Variants in ADCY1 observed in about 807,000 individuals in gnomAD.
The protein encoded by ADCY1 is adenylate cyclase type 1.
Under a neutral mutation model 105.4 loss-of-function variants are expected in ADCY1, and 28 were observed. The observed-to-expected ratio is 0.27, with a 90% CI of 0.20 to 0.36. The LOEUF (loss-of-function observed/expected upper bound fraction) is 0.36. Ranked by LOEUF, ADCY1 falls within the 10% of genes least tolerant of loss-of-function variation. The pLI, the probability that ADCY1 is intolerant of heterozygous loss-of-function variation, is 1.00. For missense variants in ADCY1, 977 were observed against 1,434.2 expected (o/e 0.68, Z 5.15); for synonymous variants, 655 against 623.8 (o/e 1.05, Z -0.75).
rs144480207 is a variant in ADCY1 at position 45,585,714 on chromosome 7, C to T, written c.640-7045C>T. 8.2e-3 allele frequency among the ~76,000 whole-genome samples: 1,243 copies of T among 152,262 alleles called. 67 individuals are homozygous for T. The East Asian group carries it at 0.13, about 16-fold the overall frequency. ...CCACCCACCTCGGCCTCCCAAAGTG[C>T]TGGGATTACAGTGTGAGCCACCACA... On this transcript the variant is annotated intron_variant, in intron 1 of 19. Transcript: ENST00000297323.
rs536361028 is a variant in ADCY1, at chr7:45,719,664, G to A, written c.*5669G>A. 1.3e-5 allele frequency: 2 copies of A among 152,300 alleles called. No homozygotes were observed. The highest frequency in any genetic ancestry group is 4.8e-5 in the African/African-American group (2 of 41,550). The allele number at this position is 152,300 out of a possible 1,614,324, so 9.4% of individuals were successfully genotyped here. On this transcript the variant is annotated 3_prime_UTR_variant, in exon 20 of 20. Coordinates refer to ENST00000297323, the MANE Select transcript of ADCY1 (RefSeq NM_021116.4). ...ACATGTGTGAACACGTGTTTCTGTC[G>A]TGTGTGTCATGCACATCTGTGTGTT...
chr7:45,675,868 T>C (rs1784447221), intron 8 of ADCY1, among the ~76,000 whole-genome samples: 1 of 152,206 alleles, frequency 6.6e-6, no homozygotes, highest in Non-Finnish European at 1.5e-5. Context: ...CTGTTTGAGA[T>C]TTGCTAACTT....
intron 3 of ADCY1, among the ~76,000 whole-genome samples, chr7:45,620,991 T>C (rs1469935859): frequency 6.6e-6 from 1 of 152,202 alleles, no homozygotes; most frequent in Non-Finnish European, 1.5e-5. Context: ...TAGTTACATG[T>C]GTCACCTTTG....
At chr7:45,610,856 T>C (rs115360734) in intron 3 of ADCY1, among the ~76,000 whole-genome samples, 12 of 96,116 alleles carry the variant, frequency 1.2e-4, no homozygotes, top group East Asian at 3.4e-4. Context: ...GATATTGGAG[T>C]TGTGGAGATG....
chr7:45,588,869 A>ATGTGTG (rs55962124), intron 1 of ADCY1, among the ~76,000 whole-genome samples: 725 of 149,150 alleles, frequency 4.9e-3, no homozygotes, highest in East Asian at 0.015. Flanking sequence ...CATTGCGTGT[A>ATGTGTG]TGTGTGTGTG....
intron 1 of ADCY1, among the ~76,000 whole-genome samples, chr7:45,580,861 G>A (rs1357951233): frequency 6.6e-6 from 1 of 152,188 alleles, no homozygotes; most frequent in Non-Finnish European, 1.5e-5. Context: ...GTGTCCGCTT[G>A]CCACTGTCAC....
intron 14 of ADCY1, among the ~76,000 whole-genome samples, chr7:45,689,959 TG>T (rs1784756568): frequency 6.6e-6 from 1 of 152,234 alleles, no homozygotes; most frequent in Non-Finnish European, 1.5e-5. Flanking sequence ...CAGGGGCCAG[TG>T]CTCCCTCCAG....
chr7:45,653,691 C>T (rs868246161), intron 5 of ADCY1, among the ~76,000 whole-genome samples: 4 of 152,204 alleles, frequency 2.6e-5, no homozygotes, highest in African/African-American at 7.2e-5. Context: ...CCCTCTCCCC[C>T]ACTGGGGCTT....
At chr7:45,650,930 T>A (rs550110178) in intron 5 of ADCY1, among the ~76,000 whole-genome samples, 1 of 152,312 alleles carries the variant, frequency 6.6e-6, no homozygotes, top group Non-Finnish European at 1.5e-5. Context: ...GTTCACTTGC[T>A]CCATGAACCT....
At chr7:45,675,118 GT>G (rs377297357) in intron 8 of ADCY1, among the ~76,000 whole-genome samples, 12 of 151,336 alleles carry the variant, frequency 7.9e-5, no homozygotes, top group Admixed American at 7.2e-4. Flanking sequence ...CTTTTTGTCT[GT>G]TTTTTTTCCT....
intron 3 of ADCY1, among the ~76,000 whole-genome samples, chr7:45,616,427 T>A (rs765973872): frequency 6.6e-6 from 1 of 152,202 alleles, no homozygotes; most frequent in South Asian, 2.1e-4. Context: ...AGCAAGATAC[T>A]ATCAAATGCA....
chr7:45,639,249 C>A (rs1794477540), intron 4 of ADCY1, among the ~76,000 whole-genome samples: 2 of 152,166 alleles, frequency 1.3e-5, no homozygotes, highest in South Asian at 4.2e-4. Flanking sequence ...GACCTTTTCC[C>A]CATTTATTGG....
intron 1 of ADCY1, among the ~76,000 whole-genome samples, chr7:45,586,002 C>A (rs931969527): frequency 1.3e-5 from 2 of 152,078 alleles, no homozygotes; most frequent in African/African-American, 4.8e-5. Flanking sequence ...ACGTGGGGAG[C>A]GGACTGTCTT....
chr7:45,582,325 C>T (rs1792575577), intron 1 of ADCY1, among the ~76,000 whole-genome samples: 1 of 152,168 alleles, frequency 6.6e-6, no homozygotes, highest in South Asian at 2.1e-4. Context: ...GTTCCTGCAC[C>T]TCCAGCTCCG....
At position 45,641,418 on chromosome 7, in the gene ADCY1, A is replaced by G. The variant is rs150257840; in HGVS notation, c.1021-7252A>G. 1.3e-3 allele frequency among the ~76,000 whole-genome samples: 204 copies of G among 152,290 alleles called. 1 individual carries two copies. Among genetic ancestry groups the G allele is most frequent in the African/African-American group, 4.4e-3 (183 of 41,550 alleles). On this transcript the variant is annotated intron_variant, in intron 4 of 19. Transcript: ENST00000297323. The stretch of plus-strand genomic sequence containing the variant: ...TCTCACCCGTAATGTAGCTCCAACA[A>G]TTGTTAATGTCTGGTTAGTCTTGTT...
intron 4 of ADCY1, among the ~76,000 whole-genome samples, chr7:45,629,185 T>TTA (rs1794155706): frequency 6.6e-6 from 1 of 152,210 alleles, no homozygotes; most frequent in Admixed American, 6.5e-5. Flanking sequence ...TTCTAGAACC[T>TTA]TATATATATG....
chr7:45,576,203 C>T (rs1034823837), intron 1 of ADCY1, among the ~76,000 whole-genome samples: 2 of 152,048 alleles, frequency 1.3e-5, no homozygotes, highest in Non-Finnish European at 2.9e-5. Context: ...GGTAAGGGGT[C>T]GGAGGGGAAG....
intron 4 of ADCY1, among the ~76,000 whole-genome samples, chr7:45,628,638 G>A (rs1233673452): frequency 3.9e-5 from 6 of 152,122 alleles, no homozygotes; most frequent in Admixed American, 3.3e-4. Flanking sequence ...AAGAGTTCTC[G>A]AATATGTGTG....
intron 8 of ADCY1, chr7:45,664,775 T>C (rs1795225696): frequency 5.3e-6 from 1 of 188,220 alleles, no homozygotes; most frequent in African/African-American, 2.3e-5. Flanking sequence ...TTTTGGTCCT[T>C]ATTTTACTTT....
Sources: gnomAD v4.1 joint callset for allele counts (sites outside exome capture counted in the v4.1 genomes callset) on GRCh38, gnomAD v4.1.1 for gene constraint, MANE v1.5 for transcripts, NCBI Gene and HGNC (gene_info 2026-07-23, HGNC 2026-07-21) for gene names.